ABLIM2: variants seen among roughly 807,000 people sequenced by gnomAD.
The protein encoded by ABLIM2 is actin binding LIM protein family member 2.
A neutral mutation model predicts 97.7 loss-of-function variants in ABLIM2; 53 were observed. The ratio of observed to expected loss-of-function variants is 0.54; its 90% CI spans 0.44 to 0.68. ABLIM2 has a LOEUF of 0.68. ABLIM2 is among the 30% of genes least tolerant of loss of function. The pLI, the probability that ABLIM2 is intolerant of heterozygous loss-of-function variation, is 0.00. For missense variants in ABLIM2, 835 were observed against 867.2 expected, an observed-to-expected ratio of 0.96 and a Z score of 0.47; for synonymous variants, 361 against 345.8, an observed-to-expected ratio of 1.04 and a Z score of -0.49.
intron 6 of ABLIM2, among the ~76,000 whole-genome samples, chr4:8,076,935 G>C (rs185977155): frequency 0.045 from 4,481 of 99,642 alleles, 353 homozygotes; most frequent in East Asian, 0.14. Flanking sequence ...AGGGTGGGGG[G>C]GTCTGTGAAC....
In ABLIM2 at chr4:8,123,915, A is replaced by G. The variant is rs1488821432; in HGVS notation, c.11-17278T>C. On this transcript the variant is annotated intron_variant, in intron 1 of 20. Transcript: ENST00000447017. The surrounding 1 kb of genome is among the most constrained non-coding windows in gnomAD (Gnocchi z 6.2). Reference sequence around the variant, plus strand: ...GGTTCCTTTGGGTTCAATGACAAAAATAACTTCATTTTGATGACCTAAGGA... The same window carrying G: ...GGTTCCTTTGGGTTCAATGACAAAAGTAACTTCATTTTGATGACCTAAGGA... 6.6e-6 allele frequency among the ~76,000 whole-genome samples: 1 copy of G among 152,192 alleles called. No homozygotes were observed. Among genetic ancestry groups the G allele is most frequent in the Non-Finnish European group, 1.5e-5 (1 of 68,020 alleles).
At chr4:8,065,786 T>C (rs763381727) in intron 6 of ABLIM2, among the ~76,000 whole-genome samples, 4 of 151,818 alleles carry the variant, frequency 2.6e-5, no homozygotes, top group Non-Finnish European at 5.9e-5. Context: ...TAGCTAGGCT[T>C]GGTGGCGGGT....
At chr4:8,040,447 C>T (rs1221234228) in intron 9 of ABLIM2, among the ~76,000 whole-genome samples, 1 of 151,998 alleles carries the variant, frequency 6.6e-6, no homozygotes, top group African/African-American at 2.4e-5. Flanking sequence ...CCTGTCTCTA[C>T]TAAAAATACA....
intron 6 of ABLIM2, among the ~76,000 whole-genome samples, chr4:8,063,128 C>T (rs528265603): frequency 6.6e-6 from 1 of 152,314 alleles, no homozygotes; most frequent in South Asian, 2.1e-4. Flanking sequence ...TGCAGTGGTG[C>T]AATCTCAGCT....
At chr4:7,987,291 T>TA (rs1057036377) in intron 17 of ABLIM2, among the ~76,000 whole-genome samples, 1,990 of 145,676 alleles carry the variant, frequency 0.014, 22 homozygotes, top group African/African-American at 0.031. Flanking sequence ...CCTGGCTAAT[T>TA]AAAAAAAAAA....
rs118153996 is a variant in ABLIM2 at position 8,113,758 on chromosome 4, C to T, written c.11-7121G>A. ...GGTTTCCAAATGTCCTAAGGATGTT[C>T]TAATAATATTCAGTTTTCTAAGCCT... On this transcript the variant is annotated intron_variant, in intron 1 of 20. Transcript: ENST00000447017. The surrounding 1 kb of genome is among the most constrained non-coding windows in gnomAD (Gnocchi z 4.5). Among the ~76,000 whole-genome samples the T allele has an allele frequency of 1.3e-5, 2 of 152,338 alleles. No homozygotes were observed. Among genetic ancestry groups the T allele is most frequent in the East Asian group, 3.9e-4 (2 of 5,184 alleles).
In ABLIM2 at chr4:7,970,854, T is replaced by C. The variant is rs1403287634; in HGVS notation, c.1825-3751A>G. Among the ~76,000 whole-genome samples the C allele has an allele frequency of 6.6e-6, 1 of 151,812 alleles. No individual in the cohort carries two copies. The highest frequency in any genetic ancestry group is 1.5e-5 in the Non-Finnish European group (1 of 67,940). On this transcript the variant is annotated intron_variant, in intron 20 of 20. Transcript: ENST00000447017. This position sits in a 1 kb window ranked among gnomAD's most constrained non-coding sequence, Gnocchi z 5.3. ...AGGGGCCGGGGGTGTCCCGAGCATG[T>C]GGGCTGGGCCAGGCCACTCGTATGT...
chr4:8,151,426 C>T (rs1336953708), intron 1 of ABLIM2, among the ~76,000 whole-genome samples: 1 of 152,210 alleles, frequency 6.6e-6, no homozygotes, highest in Non-Finnish European at 1.5e-5. Flanking sequence ...GACCCAGCTG[C>T]CCTCCTAGCT....
rs1715033053 is a variant in ABLIM2, at chr4:8,155,567, C to G, written c.10+3113G>C. 6.6e-6 allele frequency among the ~76,000 whole-genome samples: 1 copy of G among 152,148 alleles called. No individual in the cohort carries two copies. The highest frequency in any genetic ancestry group is 2.1e-4 in the South Asian group (1 of 4,816). ...ACAAGGCCGCCCTTGGCCCCGCACC[C>G]CTGTTATGGACTGAATTGTCTAAAT... On this transcript the variant is annotated intron_variant, in intron 1 of 20. Coordinates refer to ENST00000447017, the MANE Select transcript of ABLIM2 (RefSeq NM_001130083.2). This position sits in a 1 kb window ranked among gnomAD's most constrained non-coding sequence, Gnocchi z 4.2.
In ABLIM2 at chr4:8,019,921, C is replaced by T. The variant is rs1027131217; in HGVS notation, c.1370-250G>A. On this transcript the variant is annotated intron_variant, in intron 13 of 20. Transcript: ENST00000447017. The surrounding 1 kb of genome is among the most constrained non-coding windows in gnomAD (Gnocchi z 4.3). ...CTTGTGGTCCCCCGGGAAGTGTAGC[C>T]AGCTCAGACAGCCCTTTTCCTTCAC... Among the ~76,000 whole-genome samples, 1 of 152,180 alleles carries T rather than the reference C, an allele frequency of 6.6e-6. No homozygotes were observed. Among genetic ancestry groups the T allele is most frequent in the Non-Finnish European group, 1.5e-5 (1 of 68,030 alleles).
intron 2 of ABLIM2, among the ~76,000 whole-genome samples, chr4:8,100,866 T>G (rs2152703479): frequency 6.6e-6 from 1 of 152,194 alleles, no homozygotes; most frequent in African/African-American, 2.4e-5. Context: ...ACGACTACAT[T>G]TACTGTGGGG....
chr4:8,023,531 G>A lies in ABLIM2; in HGVS notation c.1268-3228C>T, dbSNP rs558632783. Among the ~76,000 whole-genome samples, 18 of 152,348 alleles carry A rather than the reference G, an allele frequency of 1.2e-4. No homozygotes were observed. The highest frequency in any genetic ancestry group is 3.4e-4 in the African/African-American group (14 of 41,576). ...CTGTCAGCAGAGCGGATCACTGGCC[G>A]TGGCGGCCTTGCTGACCGGGTCATG... On this transcript the variant is annotated intron_variant, in intron 12 of 20. Coordinates refer to ENST00000447017, the MANE Select transcript of ABLIM2 (RefSeq NM_001130083.2). This position sits in a 1 kb window ranked among gnomAD's most constrained non-coding sequence, Gnocchi z 5.7.
In ABLIM2 at chr4:8,044,456, C is replaced by T. The variant is rs1268092355; in HGVS notation, c.900+708G>A. Among the ~76,000 whole-genome samples, 1 of 151,490 alleles carries T rather than the reference C, an allele frequency of 6.6e-6. No homozygotes were observed. Among genetic ancestry groups the T allele is most frequent in the Admixed American group, 6.6e-5 (1 of 15,196 alleles). Reference sequence around the variant, plus strand: ...ATATTAAATATTAAATTTACATATACATATGTATATGTATGTATACATATA... The same window carrying T: ...ATATTAAATATTAAATTTACATATATATATGTATATGTATGTATACATATA... On this transcript the variant is annotated intron_variant, in intron 9 of 20. Coordinates refer to ENST00000447017, the MANE Select transcript of ABLIM2 (RefSeq NM_001130083.2). This position sits in a 1 kb window ranked among gnomAD's most constrained non-coding sequence, Gnocchi z 4.4.
intron 3 of ABLIM2, among the ~76,000 whole-genome samples, chr4:8,094,714 T>G (rs1830526369): frequency 6.6e-6 from 1 of 152,230 alleles, no homozygotes; most frequent in South Asian, 2.1e-4. Flanking sequence ...TCTTCTTTCT[T>G]TGGAGGCAGA....
At position 8,008,133 on chromosome 4, in the gene ABLIM2, G is replaced by T. The variant is rs1356783554; in HGVS notation, c.1544C>A (p.Thr515Asn). The change falls in exon 16 of 21, where the codon ACC (threonine) becomes AAC (asparagine). Residue 515 changes from threonine to asparagine, a missense_variant. By Grantham distance (65) the Thr-to-Asn change is moderately conservative. Coordinates refer to ENST00000447017, the MANE Select transcript of ABLIM2 (RefSeq NM_001130083.2). ...DTRTNSPDLD[T>N]QSLSHSSGTD... ...CCCGCTGCTGTGGGACAAGGACTGG[G>T]TGTCCAGGTCTGGAGAATTGGTCCT... is the stretch of plus-strand genomic sequence containing the variant. 1 of 1,613,924 alleles carries T rather than the reference G, an allele frequency of 6.2e-7. No homozygotes were observed. Among genetic ancestry groups the T allele is most frequent in the Admixed American group, 1.7e-5 (1 of 60,008 alleles).
At chr4:8,059,080 G>A (rs1053956892) in intron 7 of ABLIM2, among the ~76,000 whole-genome samples, 8 of 152,016 alleles carry the variant, frequency 5.3e-5, no homozygotes, top group Non-Finnish European at 8.8e-5. Context: ...CTTCCTTACC[G>A]GTTTTAATGA....
At position 7,992,929 on chromosome 4, in the gene ABLIM2, T is replaced by C. The variant is rs754444694; in HGVS notation, c.1619-2A>G. 1 of 1,612,654 alleles carries C rather than the reference T, an allele frequency of 6.2e-7. No homozygotes were observed. The highest frequency in any genetic ancestry group is 8.5e-7 in the Non-Finnish European group (1 of 1,179,694). On this transcript the variant is annotated splice_acceptor_variant, in intron 16 of 20. Transcript: ENST00000447017. LOFTEE classifies it high-confidence loss of function. This position sits in a 1 kb window ranked among gnomAD's most constrained non-coding sequence, Gnocchi z 5.7. ...GGTCAGATTTGGAATAGGGGAATCC[T>C]GAAACAGACACAGCACAGCTTTGTC...
intron 2 of ABLIM2, among the ~76,000 whole-genome samples, chr4:8,103,189 C>T (rs577942266): frequency 7.2e-5 from 11 of 152,234 alleles, no homozygotes; most frequent in Middle Eastern, 3.4e-3. Context: ...CTCCAGACTT[C>T]GTGTTAAGAT....
At position 8,046,162 on chromosome 4, in the gene ABLIM2, C is replaced by T. The variant is rs371271516; in HGVS notation, c.823-921G>A. Among the ~76,000 whole-genome samples the T allele has an allele frequency of 1.3e-5, 2 of 152,304 alleles. No individual in the cohort carries two copies. The highest frequency in any genetic ancestry group is 1.9e-4 in the East Asian group (1 of 5,176). ...ACATGCTCGCTGCTGTCTGGGGCCA[C>T]TCCTCCCTTCCGGACCACACCCGCT... On this transcript the variant is annotated intron_variant, in intron 8 of 20. Transcript: ENST00000447017. This position sits in a 1 kb window ranked among gnomAD's most constrained non-coding sequence, Gnocchi z 4.4.
Sources: gnomAD v4.1 joint callset for allele counts (sites outside exome capture counted in the v4.1 genomes callset) on GRCh38, gnomAD v4.1.1 for gene constraint, Gnocchi (gnomAD v3.1) non-coding constraint, MANE v1.5 for transcripts, NCBI Gene and HGNC (gene_info 2026-07-23, HGNC 2026-07-21) for gene names.